CNTN5: variants seen among roughly 807,000 people sequenced by gnomAD.
The protein encoded by CNTN5 is contactin 5.
Under a neutral mutation model 129.1 loss-of-function variants are expected in CNTN5, and 77 were observed. The observed-to-expected ratio is 0.60, with a 90% CI of 0.50 to 0.72. CNTN5 has a LOEUF of 0.72. CNTN5 is among the 30% of genes least tolerant of loss of function. CNTN5 has a pLI of 0.00. For missense variants in CNTN5, 1,478 were observed against 1,328.8 expected (o/e 1.11, Z -1.75); for synonymous variants, 509 against 465.6 (o/e 1.09, Z -1.20).
intron 6 of CNTN5, among the ~76,000 whole-genome samples, chr11:99,900,798 A>G (rs1452254211): frequency 6.6e-6 from 1 of 152,156 alleles, no homozygotes; most frequent in Non-Finnish European, 1.5e-5. Context: ...TGTTCCTGAC[A>G]TAGTGTTGTT....
intron 1 of CNTN5, among the ~76,000 whole-genome samples, chr11:99,307,704 T>A (rs1369229301): frequency 6.6e-6 from 1 of 152,172 alleles, no homozygotes. Flanking sequence ...ACCAAGCTGG[T>A]GCCCTTGAGT....
intron 3 of CNTN5, among the ~76,000 whole-genome samples, chr11:99,560,874 A>C (rs1243212706): frequency 1.3e-5 from 2 of 152,076 alleles, no homozygotes; most frequent in Admixed American, 6.5e-5. Flanking sequence ...TCCATGTGAT[A>C]ATGGATTAGA....
intron 1 of CNTN5, among the ~76,000 whole-genome samples, chr11:99,065,887 T>C (rs1865082081): frequency 6.6e-6 from 1 of 152,200 alleles, no homozygotes; most frequent in East Asian, 1.9e-4. Flanking sequence ...TTTGATTTCA[T>C]AGTTTTAACT....
At chr11:99,679,433 C>G (rs1026915991) in intron 3 of CNTN5, among the ~76,000 whole-genome samples, 1 of 152,036 alleles carries the variant, frequency 6.6e-6, no homozygotes, top group African/African-American at 2.4e-5. Context: ...TTTGGTAATT[C>G]TCACAATATT....
At chr11:99,228,299 A>G (rs1860799990) in intron 1 of CNTN5, among the ~76,000 whole-genome samples, 1 of 152,102 alleles carries the variant, frequency 6.6e-6, no homozygotes, top group Non-Finnish European at 1.5e-5. Flanking sequence ...GTAGAATGAT[A>G]GTAGAATGAT....
At chr11:100,298,765 C>G (rs1951152940) in intron 19 of CNTN5, among the ~76,000 whole-genome samples, 3 of 151,314 alleles carry the variant, frequency 2.0e-5, no homozygotes, top group Non-Finnish European at 4.4e-5. Context: ...TTATATCTTA[C>G]TTTTGTGGTC....
chr11:100,001,449 A>G (rs963155220), intron 8 of CNTN5, among the ~76,000 whole-genome samples: 1 of 152,192 alleles, frequency 6.6e-6, no homozygotes, highest in Non-Finnish European at 1.5e-5. Context: ...TTGGTGCATA[A>G]TACTTAATAC....
At chr11:99,228,119 T>A (rs1860788134) in intron 1 of CNTN5, among the ~76,000 whole-genome samples, 1 of 152,168 alleles carries the variant, frequency 6.6e-6, no homozygotes, top group Non-Finnish European at 1.5e-5. Flanking sequence ...CACATAACCA[T>A]AATCTACATT....
chr11:100,082,998 C>T (rs1467151559), intron 13 of CNTN5, among the ~76,000 whole-genome samples: 2 of 151,986 alleles, frequency 1.3e-5, no homozygotes, highest in African/African-American at 4.8e-5. Flanking sequence ...AAGCAGGCAC[C>T]TCACATGGCC....
At chr11:99,749,699 C>T (rs1178351899) in intron 3 of CNTN5, among the ~76,000 whole-genome samples, 2 of 152,132 alleles carry the variant, frequency 1.3e-5, no homozygotes, top group African/African-American at 4.8e-5. Flanking sequence ...AGAATTTTCT[C>T]ATGTGGGTTA....
At chr11:100,153,935 A>C (rs2138323304) in intron 13 of CNTN5, among the ~76,000 whole-genome samples, 1 of 152,230 alleles carries the variant, frequency 6.6e-6, no homozygotes, top group Middle Eastern at 3.4e-3. Context: ...ACTTAAAATT[A>C]AAATGTTTCT....
intron 6 of CNTN5, among the ~76,000 whole-genome samples, chr11:99,857,444 C>A (rs1948075698): frequency 6.6e-6 from 1 of 152,238 alleles, no homozygotes; most frequent in East Asian, 1.9e-4. Context: ...ACAGAGCCAT[C>A]TTTAACAATT....
At chr11:99,135,014 A>G (rs2135445620) in intron 1 of CNTN5, among the ~76,000 whole-genome samples, 1 of 152,328 alleles carries the variant, frequency 6.6e-6, no homozygotes, top group Non-Finnish European at 1.5e-5. Flanking sequence ...TTCTATGATG[A>G]ACATTTATTC....
chr11:99,756,871 A>G (rs1459941722), intron 3 of CNTN5, among the ~76,000 whole-genome samples: 1 of 151,764 alleles, frequency 6.6e-6, no homozygotes, highest in Admixed American at 6.6e-5. Context: ...AAAAAATTCT[A>G]AAACTTAATA....
chr11:99,733,801 T>C (rs776766991), intron 3 of CNTN5, among the ~76,000 whole-genome samples: 3 of 152,136 alleles, frequency 2.0e-5, no homozygotes, highest in Non-Finnish European at 4.4e-5. Context: ...CCAACAATCA[T>C]GCAAATATGT....
chr11:99,042,212 AG>A (rs1864011928), intron 1 of CNTN5, among the ~76,000 whole-genome samples: 1 of 151,662 alleles, frequency 6.6e-6, no homozygotes, highest in Non-Finnish European at 1.5e-5. Context: ...TATTTTTAAA[AG>A]TTTTTCTTTA....
intron 14 of CNTN5, among the ~76,000 whole-genome samples, chr11:100,192,500 G>A (rs1948522778): frequency 6.6e-6 from 1 of 152,014 alleles, no homozygotes; most frequent in Non-Finnish European, 1.5e-5. Flanking sequence ...GTGGTTAGGA[G>A]TGGTGTTTCA....
At chr11:99,765,137 AC>A (rs1565504531) in intron 3 of CNTN5, among the ~76,000 whole-genome samples, 1 of 152,036 alleles carries the variant, frequency 6.6e-6, no homozygotes, top group Non-Finnish European at 1.5e-5. Context: ...CATGTCAAAT[AC>A]TTTTTGACCC....
chr11:99,578,555 T>C (rs1046123908), intron 3 of CNTN5, among the ~76,000 whole-genome samples: 4 of 150,972 alleles, frequency 2.6e-5, no homozygotes, highest in Non-Finnish European at 5.9e-5. Flanking sequence ...ACTGTGGTTT[T>C]GATTTGCATT....
Sources: allele counts gnomAD v4.1 joint callset (sites outside exome capture counted in the v4.1 genomes callset), GRCh38; gene constraint gnomAD v4.1.1; transcripts MANE v1.5; gene names NCBI Gene and HGNC (gene_info 2026-07-23, HGNC 2026-07-21).